Variants in SLC11A2 observed in about 807,000 individuals in gnomAD.
The protein encoded by SLC11A2 is natural resistance-associated macrophage protein 2.
In SLC11A2, 38 loss-of-function variants were observed where a neutral mutation model predicts 68.0. The observed-to-expected ratio is 0.56, with a 90% CI of 0.43 to 0.73. The LOEUF is 0.73. Among genes scored for constraint, SLC11A2 ranks in the 30% least tolerant of loss-of-function variants. The probability of loss-of-function intolerance (pLI) is 0.00; values close to 1 mark genes in which losing one functional copy is unlikely to be tolerated. For synonymous variants in SLC11A2, 242 were observed against 250.6 expected (o/e 0.97, Z 0.32); for missense variants, 517 against 690.5 (o/e 0.75, Z 2.82).
chr12:50,983,872 G>T (rs528212919), downstream of SLC11A2, among the ~76,000 whole-genome samples: 27 of 152,208 alleles, frequency 1.8e-4, no homozygotes, highest in Admixed American at 3.3e-4. Context: ...GGAGGCAGAG[G>T]CAGGAGAATT....
At chr12:51,026,643 G>A (rs1319363585), upstream of SLC11A2, among the ~76,000 whole-genome samples, 1 of 152,094 alleles carries the variant, frequency 6.6e-6, no homozygotes, top group African/African-American at 2.4e-5. Flanking sequence ...CAGTCCGCTA[G>A]CAGTCTGGGG....
chr12:50,999,523 G>C lies in SLC11A2; in HGVS notation c.537-108C>G, dbSNP rs1942022984. ...AGATAAAGAACACTTGGAGAAGCTA[G>C]GACTTGAGGGAGGAGGGACAATGGC... On this transcript the variant is annotated intron_variant, in intron 6 of 15. Transcript: ENST00000262052. The C allele has an allele frequency of 4.4e-6, 4 of 907,818 alleles. No homozygotes were observed. In the East Asian group the frequency reaches 9.9e-5, roughly 23 times the overall value. 56.2% of individuals were successfully genotyped at this position (907,818 alleles called of 1,614,324 possible). A position where few individuals can be genotyped will look rare whatever the true frequency, so the allele number is the denominator to read the frequency against.
chr12:51,005,618 C>T (rs1230523922), intron 3 of SLC11A2, 182 bp from the exon 4 acceptor site: 1 of 1,425,156 alleles, frequency 7.0e-7, no homozygotes. Context: ...AAGAAGCTGG[C>T]CACTTCTCTG....
chr12:50,993,083 T>G, intron 11 of SLC11A2, 154 bp from the exon 12 acceptor site: 1 of 859,544 alleles, frequency 1.2e-6, no homozygotes, highest in East Asian at 2.7e-5. Flanking sequence ...TAGGCTCAAG[T>G]CTGGACCTCA....
In SLC11A2 at chr12:50,986,174, T is replaced by C. The variant is rs1039519772; in HGVS notation, c.*2151A>G. On this transcript the variant is annotated 3_prime_UTR_variant, in exon 16 of 16. Transcript: ENST00000262052. Reference sequence around the variant, plus strand: ...CAGCACAATTATTTCATGTCACATTTAAGAAGAACAAGAACCAATTTATAT... The same window carrying C: ...CAGCACAATTATTTCATGTCACATTCAAGAAGAACAAGAACCAATTTATAT... The C allele has an allele frequency of 3.9e-6, 5 of 1,285,484 alleles. No individual in the cohort carries two copies. Among genetic ancestry groups the C allele is most frequent in the Non-Finnish European group, 5.1e-6 (5 of 987,400 alleles). The allele number at this position is 1,285,484 out of a possible 1,614,324, so 79.6% of individuals were successfully genotyped here.
intron 12 of SLC11A2, 70 bp from the exon 13 acceptor site, chr12:50,992,409 G>A: frequency 7.1e-7 from 1 of 1,416,462 alleles, no homozygotes. Context: ...GGAGGTTCAG[G>A]AGAGACCTCA....
At chr12:51,002,891 G>A (rs1321496689) in intron 5 of SLC11A2, among the ~76,000 whole-genome samples, 1 of 151,252 alleles carries the variant, frequency 6.6e-6, no homozygotes, top group Non-Finnish European at 1.5e-5. Flanking sequence ...GGTGAGCTGA[G>A]ATCACGCCAC....
At chr12:51,016,086 T>C (rs1943626875) in intron 1 of SLC11A2, among the ~76,000 whole-genome samples, 1 of 151,524 alleles carries the variant, frequency 6.6e-6, no homozygotes, top group Non-Finnish European at 1.5e-5. Context: ...CCCAGCCTAT[T>C]TTATCCCATT....
downstream of SLC11A2, chr12:50,981,880 T>C (rs1003823107): frequency 3.9e-6 from 3 of 773,080 alleles, no homozygotes; most frequent in Non-Finnish European, 6.0e-6. Flanking sequence ...TACCTATAAT[T>C]AGCACATCAA....
downstream of SLC11A2, among the ~76,000 whole-genome samples, chr12:50,978,896 C>T (rs975358246): frequency 2.4e-4 from 37 of 152,150 alleles, no homozygotes; most frequent in Middle Eastern, 3.2e-3. Context: ...AATGAAACTA[C>T]TTCATATACC....
chr12:50,966,951 T>A, the SLC11A2 span, among the ~76,000 whole-genome samples: 16 of 152,146 alleles, frequency 1.1e-4, no homozygotes, highest in Admixed American at 2.0e-4. Flanking sequence ...CCCCCATCTC[T>A]GCTAAAAATC....
chr12:50,981,549 C>CTCTG, downstream of SLC11A2: 1 of 575,446 alleles, frequency 1.7e-6, no homozygotes, highest in Non-Finnish European at 3.2e-6. Context: ...GTGGGTGGGT[C>CTCTG]TCTGACCTAC....
At chr12:51,008,306 TG>T in intron 3 of SLC11A2, 169 bp downstream of exon 3, 1 of 549,400 alleles carries the variant, frequency 1.8e-6, no homozygotes, top group African/African-American at 1.9e-5. Context: ...AGATGGGGTG[TG>T]TGTGTGTGTG....
chr12:50,994,726 T>TA (rs1296208460), intron 10 of SLC11A2, 96 bp from the exon 11 acceptor site: 10 of 778,954 alleles, frequency 1.3e-5, no homozygotes, highest in Non-Finnish European at 1.9e-5. Flanking sequence ...CTATAAGAGG[T>TA]AGGCTGGAGG....
the SLC11A2 span, among the ~76,000 whole-genome samples, chr12:50,962,087 C>T: frequency 3.3e-4 from 50 of 152,260 alleles, no homozygotes; most frequent in African/African-American, 1.2e-3. Context: ...GATGCCGTGA[C>T]AGAAATAGCA....
At chr12:50,989,892 C>G (rs1940971928) in intron 15 of SLC11A2, among the ~76,000 whole-genome samples, 1 of 152,136 alleles carries the variant, frequency 6.6e-6, no homozygotes, top group Non-Finnish European at 1.5e-5. Flanking sequence ...GGTATAAATT[C>G]TACTATTCCT....
chr12:50,982,416 G>A (rs1592286960), downstream of SLC11A2, among the ~76,000 whole-genome samples: 1 of 151,952 alleles, frequency 6.6e-6, no homozygotes. Context: ...ATGAGGTCAG[G>A]AGATCGAGAC....
intron 15 of SLC11A2, among the ~76,000 whole-genome samples, chr12:50,990,089 C>A (rs903494656): frequency 3.6e-4 from 55 of 152,224 alleles, no homozygotes; most frequent in African/African-American, 1.3e-3. Flanking sequence ...TTCTAGACTT[C>A]TTAAAAAATT....
intron 1 of SLC11A2, among the ~76,000 whole-genome samples, chr12:51,013,094 C>T (rs1164124815): frequency 3.3e-5 from 5 of 152,148 alleles, no homozygotes; most frequent in Non-Finnish European, 7.3e-5. Flanking sequence ...CTATGCATAG[C>T]TCTTCCAGGA....
Sources: allele counts gnomAD v4.1 joint callset (sites outside exome capture counted in the v4.1 genomes callset), GRCh38; gene constraint gnomAD v4.1.1; transcripts MANE v1.5; gene names NCBI Gene and HGNC (gene_info 2026-07-23, HGNC 2026-07-21).